Variants in ARHGAP6 observed in about 807,000 individuals in gnomAD.
The protein encoded by ARHGAP6 is Rho GTPase activating protein 6.
In ARHGAP6, 16 loss-of-function variants were observed where a neutral mutation model predicts 55.7. The ratio of observed to expected loss-of-function variants is 0.29; its 90% CI spans 0.19 to 0.44. ARHGAP6 has a LOEUF of 0.44. Ranked by LOEUF, ARHGAP6 falls within the 20% of genes least tolerant of loss-of-function variation. The probability of loss-of-function intolerance (pLI) is 1.00; values close to 1 mark genes in which losing one functional copy is unlikely to be tolerated. For synonymous variants in ARHGAP6, 382 were observed against 360.9 expected (o/e 1.06, Z -0.66); for missense variants, 698 against 808.9 (o/e 0.86, Z 1.66).
chrX:11,204,187 TTGA>T (rs1376062696), intron 2 of ARHGAP6, among the ~76,000 whole-genome samples: 9 of 112,618 alleles, frequency 8.0e-5, no homozygotes, highest in African/African-American at 1.6e-4. Context: ...TCCTTTGGAC[TTGA>T]TGATATCATT....
At chrX:11,149,299 A>C (rs1321929810) in intron 10 of ARHGAP6, among the ~76,000 whole-genome samples, 1 of 112,223 alleles carries the variant, frequency 8.9e-6, no homozygotes, top group East Asian at 2.8e-4. Context: ...GGTGTGAGGA[A>C]GGAAGGGGTA....
chrX:11,315,208 C>T (rs1478081218), intron 1 of ARHGAP6, among the ~76,000 whole-genome samples: 3 of 112,233 alleles, frequency 2.7e-5, no homozygotes, highest in Non-Finnish European at 5.6e-5. Flanking sequence ...ATTTTTGGCA[C>T]CAGGGACCGG....
intron 1 of ARHGAP6, among the ~76,000 whole-genome samples, chrX:11,646,133 C>T (rs928224661): frequency 7.2e-5 from 8 of 111,408 alleles, no homozygotes; most frequent in Non-Finnish European, 1.3e-4. Flanking sequence ...GAAGGAGGAA[C>T]TTCCACACAC....
chrX:11,378,332 G>T (rs184494695), intron 1 of ARHGAP6, among the ~76,000 whole-genome samples: 1 of 112,656 alleles, frequency 8.9e-6, no homozygotes, highest in East Asian at 2.8e-4. Flanking sequence ...ACCAGTTTTA[G>T]AACACTTTCT....
At chrX:11,398,543 T>A (rs901743905) in intron 1 of ARHGAP6, among the ~76,000 whole-genome samples, 11 of 111,910 alleles carry the variant, frequency 9.8e-5, no homozygotes, top group Admixed American at 5.7e-4. Context: ...TTCCTAGATA[T>A]AAGAAATTCC....
chrX:11,658,638 A>ATT (rs1284232663), intron 1 of ARHGAP6, among the ~76,000 whole-genome samples: 4 of 105,810 alleles, frequency 3.8e-5, no homozygotes, highest in Admixed American at 3.2e-4. Context: ...GAAATCCCTT[A>ATT]TTTTTTTTCA....
intron 1 of ARHGAP6, among the ~76,000 whole-genome samples, chrX:11,452,852 T>C (rs886820101): frequency 1.8e-5 from 2 of 111,065 alleles, no homozygotes; most frequent in African/African-American, 3.3e-5. Context: ...TTAAGATAAA[T>C]AGCAAAGGGA....
At chrX:11,628,274 C>G (rs5979439) in intron 1 of ARHGAP6, among the ~76,000 whole-genome samples, 15,758 of 111,430 alleles carry the variant, frequency 0.14, 1,001 homozygotes, top group Middle Eastern at 0.23. Flanking sequence ...GGCTAAGCTT[C>G]TGAAATAGAC....
At chrX:11,548,885 G>A (rs747895320) in intron 1 of ARHGAP6, among the ~76,000 whole-genome samples, 15 of 111,901 alleles carry the variant, frequency 1.3e-4, no homozygotes, top group East Asian at 8.4e-4. Context: ...CTGGAATTAC[G>A]GGCATGAGCC....
At chrX:11,567,234 G>A (rs2051452455) in intron 1 of ARHGAP6, among the ~76,000 whole-genome samples, 2 of 111,622 alleles carry the variant, frequency 1.8e-5, no homozygotes, top group Non-Finnish European at 3.8e-5. Flanking sequence ...AAGGATTTGA[G>A]TGTAAGTAGT....
At chrX:11,272,505 C>T (rs1055802837) in intron 1 of ARHGAP6, among the ~76,000 whole-genome samples, 5 of 110,102 alleles carry the variant, frequency 4.5e-5, no homozygotes, top group African/African-American at 6.6e-5. Flanking sequence ...TCATTTCTTG[C>T]ACCCTTCCAC....
chrX:11,291,322 T>C (rs774986458), intron 1 of ARHGAP6, among the ~76,000 whole-genome samples: 1 of 111,773 alleles, frequency 8.9e-6, no homozygotes, highest in South Asian at 3.8e-4. Flanking sequence ...CAACTGTCCA[T>C]GGTGAATTAG....
At chrX:11,560,281 T>C (rs1341237457) in intron 1 of ARHGAP6, among the ~76,000 whole-genome samples, 1 of 112,198 alleles carries the variant, frequency 8.9e-6, no homozygotes, top group African/African-American at 3.2e-5. Flanking sequence ...AACAAATGCA[T>C]ATGACTGTGT....
intron 1 of ARHGAP6, among the ~76,000 whole-genome samples, chrX:11,549,807 G>A (rs2051248110): frequency 8.9e-6 from 1 of 112,458 alleles, no homozygotes; most frequent in South Asian, 3.7e-4. Context: ...GTTTAGAAAC[G>A]TTTATAGCAA....
intron 1 of ARHGAP6, among the ~76,000 whole-genome samples, chrX:11,655,131 G>C (rs2052624383): frequency 1.8e-5 from 2 of 112,004 alleles, no homozygotes; most frequent in Admixed American, 9.5e-5. Context: ...CATATAAATA[G>C]AATTATACAA....
chrX:11,398,070 A>G (rs1415959836), intron 1 of ARHGAP6, among the ~76,000 whole-genome samples: 2 of 110,657 alleles, frequency 1.8e-5, no homozygotes, highest in African/African-American at 6.6e-5. Context: ...TCCACTTTGG[A>G]AAAGGTGCCA....
At chrX:11,644,042 C>G (rs958615869) in intron 1 of ARHGAP6, among the ~76,000 whole-genome samples, 2 of 111,748 alleles carry the variant, frequency 1.8e-5, no homozygotes, top group Admixed American at 1.9e-4. Flanking sequence ...TTGTGGTTGT[C>G]TGTTATACAA....
At chrX:11,541,511 G>T in intron 1 of ARHGAP6, among the ~76,000 whole-genome samples, 1 of 111,562 alleles carries the variant, frequency 9.0e-6, no homozygotes, top group East Asian at 2.8e-4. Flanking sequence ...CCAGGGGAGG[G>T]GCAGTCCCTT....
intron 2 of ARHGAP6, among the ~76,000 whole-genome samples, chrX:11,232,783 T>C (rs889292335): frequency 8.9e-5 from 10 of 112,650 alleles, no homozygotes; most frequent in Non-Finnish European, 1.7e-4. Context: ...ACCACCTAGT[T>C]CTTCACCTTT....
Sources: allele counts gnomAD v4.1 joint callset (sites outside exome capture counted in the v4.1 genomes callset), GRCh38; gene constraint gnomAD v4.1.1; transcripts MANE v1.5; gene names NCBI Gene and HGNC (gene_info 2026-07-23, HGNC 2026-07-21).